The following TCF12 variants were observed in gnomAD, a reference collection of about 807,000 sequenced individuals.
TCF12 encodes the protein DNA-binding protein HTF4.
TCF12 carries 45 observed loss-of-function variants against 86.0 expected under a neutral mutation model. That is an observed-to-expected ratio of 0.52 (90% confidence interval 0.41 to 0.67). TCF12 has a LOEUF of 0.67. Among genes scored for constraint, TCF12 ranks in the 30% least tolerant of loss-of-function variants. TCF12 has a pLI of 0.00. For synonymous variants in TCF12, 330 were observed against 299.6 expected (o/e 1.10, Z -1.05); for missense variants, 881 against 859.9 (o/e 1.02, Z -0.31).
intron 8 of TCF12, among the ~76,000 whole-genome samples, chr15:57,207,382 A>T (rs748077406): frequency 1.1e-4 from 16 of 152,020 alleles, no homozygotes; most frequent in Non-Finnish European, 1.8e-4. Context: ...TAAATAATAA[A>T]TAGGCCGGGC....
chr15:57,128,468 G>A (rs376136674), intron 5 of TCF12, among the ~76,000 whole-genome samples: 4 of 152,142 alleles, frequency 2.6e-5, no homozygotes, highest in Non-Finnish European at 4.4e-5. Flanking sequence ...TTAGAATTCA[G>A]TGGGGTTTTT....
intron 18 of TCF12, 78 bp from the exon 19 acceptor site, chr15:57,272,952 C>T (rs939796771): frequency 3.1e-5 from 41 of 1,330,158 alleles, no homozygotes; most frequent in South Asian, 1.1e-4. Flanking sequence ...TCCATCTTTA[C>T]GCTTTATAAT....
intron 12 of TCF12, among the ~76,000 whole-genome samples, chr15:57,236,619 G>T (rs1339163177): frequency 1.3e-5 from 2 of 152,208 alleles, no homozygotes; most frequent in East Asian, 3.8e-4. Context: ...ACATCAGAGG[G>T]TACAACCTTT....
intron 3 of TCF12, among the ~76,000 whole-genome samples, chr15:56,927,530 C>T (rs1567115683): frequency 6.6e-6 from 1 of 152,138 alleles, no homozygotes; most frequent in African/African-American, 2.4e-5. Flanking sequence ...AAAATAGTTG[C>T]ATGCTCTTAA....
chr15:56,994,974 TATAAC>T (rs1237409887), intron 3 of TCF12, among the ~76,000 whole-genome samples: 2 of 152,104 alleles, frequency 1.3e-5, no homozygotes, highest in Admixed American at 6.6e-5. Flanking sequence ...GAGGAAAAGT[TATAAC>T]ATTATCTGAT....
At chr15:56,958,357 C>G (rs951501371) in intron 3 of TCF12, among the ~76,000 whole-genome samples, 3 of 152,094 alleles carry the variant, frequency 2.0e-5, no homozygotes, top group Non-Finnish European at 2.9e-5. Context: ...TGCCTGTTGT[C>G]CATTGTCTGG....
chr15:56,951,297 T>C (rs1327124531), intron 3 of TCF12, among the ~76,000 whole-genome samples: 3 of 152,234 alleles, frequency 2.0e-5, no homozygotes, highest in Non-Finnish European at 2.9e-5. Flanking sequence ...TTCTAATTAC[T>C]AATGATGTTG....
chr15:57,224,180 C>T (rs2058758525), intron 8 of TCF12, among the ~76,000 whole-genome samples: 1 of 151,920 alleles, frequency 6.6e-6, no homozygotes, highest in Non-Finnish European at 1.5e-5. Context: ...AATTTGTGTT[C>T]CTTTCCACTT....
intron 6 of TCF12, among the ~76,000 whole-genome samples, chr15:57,176,878 C>G (rs1216524798): frequency 6.6e-6 from 1 of 152,200 alleles, no homozygotes; most frequent in African/African-American, 2.4e-5. Context: ...ATTGGACTTA[C>G]AGATTTCACA....
chr15:57,240,845 A>G (rs1166432167), intron 12 of TCF12, among the ~76,000 whole-genome samples: 2 of 134,574 alleles, frequency 1.5e-5, no homozygotes, highest in Non-Finnish European at 3.1e-5. Context: ...GCACCACTGC[A>G]TTCCAGCCTG....
intron 6 of TCF12, among the ~76,000 whole-genome samples, chr15:57,177,637 A>AGAGAGAGAGAGAGAGAGAGAGAGAGAGT (rs1441034528): frequency 6.6e-6 from 1 of 151,622 alleles, no homozygotes; most frequent in Non-Finnish European, 1.5e-5. Context: ...AGAGAGAGAG[A>AGAGAGAGAGAGAGAGAGAGAGAGAGAGT]GTTGGATTAG....
At chr15:56,932,035 A>C (rs1348760727) in intron 3 of TCF12, among the ~76,000 whole-genome samples, 1 of 152,182 alleles carries the variant, frequency 6.6e-6, no homozygotes, top group African/African-American at 2.4e-5. Flanking sequence ...ATATTTGTAT[A>C]ATCCCTCTTC....
At chr15:57,005,157 G>A (rs1388089338) in intron 3 of TCF12, among the ~76,000 whole-genome samples, 2 of 152,100 alleles carry the variant, frequency 1.3e-5, no homozygotes, top group Non-Finnish European at 2.9e-5. Flanking sequence ...GTATTTCTGG[G>A]TGTTCTTAGG....
intron 8 of TCF12, among the ~76,000 whole-genome samples, chr15:57,202,299 CTT>C (rs2057581020): frequency 6.6e-6 from 1 of 152,070 alleles, no homozygotes; most frequent in Non-Finnish European, 1.5e-5. Flanking sequence ...TAAATTAAAA[CTT>C]AAATTTATTC....
chr15:56,978,089 A>G lies in TCF12; in HGVS notation c.148+56991A>G, dbSNP rs8037361. On this transcript the variant is annotated intron_variant, in intron 3 of 20. Transcript: ENST00000333725. The stretch of plus-strand genomic sequence containing the variant: ...CTATTCTCATAAATGTATATTAAAA[A>G]GCATGCATTTGTCTGTTAGAGAATC... Among the ~76,000 whole-genome samples the G allele has an allele frequency of 4.5e-3, 682 of 152,346 alleles. 8 individuals carry two copies. The highest frequency in any genetic ancestry group is 0.021 in the Admixed American group (323 of 15,294).
chr15:57,077,575 C>G (rs1289138076), intron 4 of TCF12, among the ~76,000 whole-genome samples: 1 of 150,724 alleles, frequency 6.6e-6, no homozygotes, highest in Non-Finnish European at 1.5e-5. Context: ...TACAGGCTGC[C>G]GCCACTGCAC....
intron 8 of TCF12, among the ~76,000 whole-genome samples, chr15:57,210,062 T>A (rs114889381): frequency 6.6e-6 from 1 of 152,126 alleles, no homozygotes; most frequent in African/African-American, 2.4e-5. Context: ...TCCTGATGTA[T>A]TTTTCTCTAC....
intron 3 of TCF12, among the ~76,000 whole-genome samples, chr15:57,063,195 A>G (rs2068595291): frequency 6.6e-6 from 1 of 152,180 alleles, no homozygotes; most frequent in Admixed American, 6.5e-5. Context: ...CAAAATTACT[A>G]AGGGTGAGTT....
chr15:57,285,821 CAA>C (rs1241853792), intron 20 of TCF12, among the ~76,000 whole-genome samples: 4 of 152,140 alleles, frequency 2.6e-5, no homozygotes, highest in African/African-American at 9.7e-5. Flanking sequence ...CCCAGCTACT[CAA>C]AGACTGAGGT....
Sources: gnomAD v4.1 joint callset for allele counts (sites outside exome capture counted in the v4.1 genomes callset) on GRCh38, gnomAD v4.1.1 for gene constraint, MANE v1.5 for transcripts, NCBI Gene and HGNC (gene_info 2026-07-23, HGNC 2026-07-21) for gene names.